Variants in MIB1 observed in about 807,000 individuals in gnomAD.
The protein encoded by MIB1 is E3 ubiquitin-protein ligase MIB1.
Under a neutral mutation model 124.5 loss-of-function variants are expected in MIB1, and 278 were observed. The observed-to-expected ratio is 2.23, with a 90% CI of 2.02 to 2.47. The LOEUF (loss-of-function observed/expected upper bound fraction) is 2.47, where lower values mean the gene tolerates loss of function less well. Among genes scored for constraint, MIB1 ranks in the 30% most tolerant of loss-of-function variants. MIB1 has a pLI of 0.00. For synonymous variants in MIB1, 446 were observed against 429.4 expected, an observed-to-expected ratio of 1.04 and a Z score of -0.48; for missense variants, 957 against 1,254.4, an observed-to-expected ratio of 0.76 and a Z score of 3.58.
intron 1 of MIB1, among the ~76,000 whole-genome samples, chr18:21,715,889 A>C (rs1260665946): frequency 2.3e-4 from 35 of 152,192 alleles, no homozygotes; most frequent in Admixed American, 2.0e-3. Flanking sequence ...ACTTAAGAAT[A>C]ATTGGTGTTC....
intron 1 of MIB1, among the ~76,000 whole-genome samples, chr18:21,744,890 C>T (rs955500126): frequency 6.6e-5 from 10 of 152,156 alleles, no homozygotes; most frequent in African/African-American, 2.2e-4. Context: ...TTGTATCTTA[C>T]ATATTATTGT....
intron 1 of MIB1, among the ~76,000 whole-genome samples, chr18:21,715,437 A>G (rs1354874212): frequency 6.6e-6 from 1 of 152,210 alleles, no homozygotes; most frequent in African/African-American, 2.4e-5. Context: ...AACTCTGGTA[A>G]TATGACAAAA....
chr18:21,856,247 C>A (rs11873092), intron 18 of MIB1, among the ~76,000 whole-genome samples: 1,670 of 88,784 alleles, frequency 0.019, 27 homozygotes, highest in East Asian at 0.071. Flanking sequence ...AAAAAAAAAA[C>A]AAAAAACAAA....
At chr18:21,719,036 A>G (rs1033318594) in intron 1 of MIB1, among the ~76,000 whole-genome samples, 7 of 151,994 alleles carry the variant, frequency 4.6e-5, no homozygotes, top group African/African-American at 1.7e-4. Context: ...TAAAAATACA[A>G]AATTAGCCGG....
Position 21,747,195 on chromosome 18 carries a change from G to A in MIB1, c.229+5383G>A, listed in dbSNP as rs144724871. 4.8e-3 allele frequency among the ~76,000 whole-genome samples: 730 copies of A among 152,264 alleles called. 3 individuals carry two copies. The highest frequency in any genetic ancestry group is 0.014 in the South Asian group (66 of 4,814). On this transcript the variant is annotated intron_variant, in intron 1 of 20. Coordinates refer to ENST00000261537, the MANE Select transcript of MIB1 (RefSeq NM_020774.4). ...CCTATTTTAAAGGCTTCTGTAAAATGTCTTTCTTATTTTATTTCCTCCACT... is the reference window on the plus strand; with the variant it reads ...CCTATTTTAAAGGCTTCTGTAAAATATCTTTCTTATTTTATTTCCTCCACT...
In MIB1 at chr18:21,799,880, A is replaced by C; in HGVS notation, c.1277A>C (p.Gln426Pro). 6.2e-7 allele frequency: 1 copy of C among 1,612,152 alleles called. No homozygotes were observed. The highest frequency in any genetic ancestry group is 8.5e-7 in the Non-Finnish European group (1 of 1,178,670). Residue 426 changes from glutamine to proline, a missense_variant, in exon 9 of 21, where the codon CAA becomes CCA. Physicochemically the swap from Gln to Pro is moderately conservative, Grantham distance 76. Transcript: ENST00000261537. ...CTCCTGAAGAAATTATTTGAAACCC[A>C]AGAATCTGGTGACCTCAATGAAGAA... is the stretch of plus-strand genomic sequence containing the variant. ...SQLLKKLFET[Q>P]ESGDLNEELV...
At chr18:21,798,317 G>A in intron 8 of MIB1, 89 bp downstream of exon 8, 1 of 1,276,512 alleles carries the variant, frequency 7.8e-7, no homozygotes. Flanking sequence ...AGATAATGTT[G>A]TACATGTGCT....
chr18:21,763,742 A>G (rs1252200558), intron 1 of MIB1, among the ~76,000 whole-genome samples: 3 of 152,106 alleles, frequency 2.0e-5, no homozygotes, highest in South Asian at 4.1e-4. Context: ...CTCCTGACCC[A>G]TAGCTACCAA....
chr18:21,742,227 C>G (rs1218637393), intron 1 of MIB1, among the ~76,000 whole-genome samples: 1 of 151,298 alleles, frequency 6.6e-6, no homozygotes, highest in African/African-American at 2.4e-5. Context: ...GCTCAGCTGA[C>G]CGTTTATAAT....
chr18:21,844,245 A>T lies in MIB1; in HGVS notation c.2203A>T (p.Lys735Ter). ...GGTGGATGCTGCCTGGGAGCCATCC[A>T]AAAACACGGTGAGTAAAGATCATCT... Reference protein sequence around the residue: ...GKVDAAWEPSKNTLIMGLGTQ... With the variant: ...GKVDAAWEPS The change falls in exon 15 of 21, where the codon AAA (lysine) becomes TAA (stop). Residue 735 changes from lysine to a stop codon, truncating the protein, a stop_gained. Transcript: ENST00000261537. LOFTEE classifies it high-confidence loss of function. 6.2e-7 allele frequency: 1 copy of T among 1,613,802 alleles called. No individual in the cohort carries two copies. The highest frequency in any genetic ancestry group is 8.5e-7 in the Non-Finnish European group (1 of 1,179,734).
intron 1 of MIB1, among the ~76,000 whole-genome samples, chr18:21,724,517 C>G (rs1406475268): frequency 6.7e-6 from 1 of 149,630 alleles, no homozygotes; most frequent in Non-Finnish European, 1.5e-5. Flanking sequence ...CCAGGCTGGC[C>G]AATATGGTGA....
intron 1 of MIB1, among the ~76,000 whole-genome samples, chr18:21,723,308 T>C (rs1044087261): frequency 6.6e-6 from 1 of 152,142 alleles, no homozygotes; most frequent in Non-Finnish European, 1.5e-5. Context: ...CAGGCTCATC[T>C]TGTATTTTCC....
intron 6 of MIB1, 145 bp from the exon 7 acceptor site, chr18:21,791,229 G>GT (rs1319501183): frequency 1.9e-6 from 1 of 514,754 alleles, no homozygotes; most frequent in African/African-American, 2.0e-5. Flanking sequence ...CAATATATAT[G>GT]TATTTGTGTA....
rs970218985 is a variant in MIB1, at chr18:21,864,924, A to G, written c.*258A>G. 1 of 308,498 alleles carries G rather than the reference A, an allele frequency of 3.2e-6. No homozygotes were observed. Among genetic ancestry groups the G allele is most frequent in the African/African-American group, 2.1e-5 (1 of 46,724 alleles). The allele number at this position is 308,498 out of a possible 1,614,324, so 19.1% of individuals were successfully genotyped here. A position where few individuals can be genotyped will look rare whatever the true frequency, so the allele number is the denominator to read the frequency against. ...TAATTTACCTTTGGCTTCTAAGAGGAAAGTCCTTTAAGGATATCCTTTTTT... is the reference window on the plus strand; with the variant it reads ...TAATTTACCTTTGGCTTCTAAGAGGGAAGTCCTTTAAGGATATCCTTTTTT... On this transcript the variant is annotated 3_prime_UTR_variant, in exon 21 of 21. Transcript: ENST00000261537.
intron 6 of MIB1, among the ~76,000 whole-genome samples, chr18:21,788,341 C>A (rs1239332199): frequency 6.6e-6 from 1 of 152,084 alleles, no homozygotes; most frequent in Admixed American, 6.6e-5. Context: ...TAGCATTAGG[C>A]CTGATTGTAT....
intron 3 of MIB1, 43 bp downstream of exon 3, chr18:21,768,795 T>C (rs1431110276): frequency 1.3e-6 from 2 of 1,547,774 alleles, no homozygotes; most frequent in Non-Finnish European, 8.7e-7. Flanking sequence ...TAGAGTATTA[T>C]ATGTTCAGAA....
At chr18:21,808,626 GC>G (rs2041734934) in intron 10 of MIB1, among the ~76,000 whole-genome samples, 1 of 152,070 alleles carries the variant, frequency 6.6e-6, no homozygotes, top group South Asian at 2.1e-4. Flanking sequence ...ACCTCAAAGA[GC>G]TCTTTTGGAA....
rs1208635824 is a variant in MIB1, at chr18:21,858,576, A to G, written c.2810A>G (p.Asp937Gly). The G allele has an allele frequency of 6.3e-7, 1 of 1,593,440 alleles. No homozygotes were observed. The highest frequency in any genetic ancestry group is 1.7e-5 in the Admixed American group (1 of 59,830). ...GGGAATATTCCAGTATTACAAAAGGACAAGGATAATACCAATGTCAATGCA... is the reference window on the plus strand; with the variant it reads ...GGGAATATTCCAGTATTACAAAAGGGCAAGGATAATACCAATGTCAATGCA... ...SSGNIPVLQK[D>G]KDNTNVNADV... The change falls in exon 20 of 21, where the codon GAC (aspartate) becomes GGC (glycine). Residue 937 changes from aspartate to glycine, a missense_variant. Transcript: ENST00000261537.
chr18:21,770,225 C>G (rs1366986685), intron 3 of MIB1, among the ~76,000 whole-genome samples: 1 of 152,090 alleles, frequency 6.6e-6, no homozygotes, highest in Non-Finnish European at 1.5e-5. Flanking sequence ...ACGAAAAGAA[C>G]AAAATGAAGA....
Sources: allele counts gnomAD v4.1 joint callset (sites outside exome capture counted in the v4.1 genomes callset), GRCh38; gene constraint gnomAD v4.1.1; transcripts MANE v1.5; gene names NCBI Gene and HGNC (gene_info 2026-07-23, HGNC 2026-07-21).